The following VSTM1 variants were observed in gnomAD, a reference collection of about 807,000 sequenced individuals.
VSTM1 encodes V-set and transmembrane domain-containing protein 1.
In VSTM1, 27 loss-of-function variants were observed where a neutral mutation model predicts 33.1. The observed-to-expected ratio is 0.82, with a 90% CI of 0.60 to 1.12. The LOEUF (loss-of-function observed/expected upper bound fraction) is 1.12. Ranked by LOEUF, VSTM1 falls within the 50% of genes most tolerant of loss-of-function variation. The pLI is 0.00. For missense variants in VSTM1, 304 were observed against 288.9 expected (o/e 1.05, Z -0.38); for synonymous variants, 115 against 110.3 (o/e 1.04, Z -0.27).
intron 4 of VSTM1, among the ~76,000 whole-genome samples, chr19:54,046,491 C>T (rs1459977088): frequency 2.6e-5 from 4 of 152,018 alleles, no homozygotes; most frequent in South Asian, 2.1e-4. Context: ...CTCATTGTGT[C>T]GGATAATGGG....
At chr19:54,048,219 G>A (rs1033139563) in intron 4 of VSTM1, 30 of 197,812 alleles carry the variant, frequency 1.5e-4, no homozygotes, top group African/African-American at 3.8e-4. Flanking sequence ...GGGCGCAAAC[G>A]ATCTTTCTGC....
At chr19:54,059,016 C>T (rs182236864) in intron 1 of VSTM1, among the ~76,000 whole-genome samples, 1 of 148,628 alleles carries the variant, frequency 6.7e-6, no homozygotes, top group East Asian at 1.9e-4. Context: ...GTTTGTCATT[C>T]AGAAGCTACG....
intron 4 of VSTM1, among the ~76,000 whole-genome samples, chr19:54,048,795 A>C (rs2070715009): frequency 6.6e-6 from 1 of 152,132 alleles, no homozygotes; most frequent in Non-Finnish European, 1.5e-5. Context: ...CATCAAAAGA[A>C]GAACGGGGCC....
At chr19:54,059,441 CT>C (rs1217414265) in intron 1 of VSTM1, among the ~76,000 whole-genome samples, 3 of 152,024 alleles carry the variant, frequency 2.0e-5, no homozygotes, top group African/African-American at 7.2e-5. Context: ...TTCACCTATG[CT>C]TTTTTCTGGT....
At position 54,042,151 on chromosome 19, in the gene VSTM1, G is replaced by A; in HGVS notation, c.515+18C>T. 6.2e-7 allele frequency: 1 copy of A among 1,613,902 alleles called. No individual in the cohort carries two copies. The highest frequency in any genetic ancestry group is 2.2e-5 in the East Asian group (1 of 44,874). On this transcript the variant is annotated intron_variant, in intron 6 of 8. Transcript: ENST00000338372. ...TGACATGGGAATAAGTGGAGCATGA[G>A]CTATGCCAAGCATCTACCTCTTGGT...
At chr19:54,052,389 C>T (rs563024021) in intron 3 of VSTM1, among the ~76,000 whole-genome samples, 1 of 135,798 alleles carries the variant, frequency 7.4e-6, no homozygotes, top group Non-Finnish European at 1.6e-5. Flanking sequence ...CAGAGCCAGA[C>T]TCCGTCTCAA....
intron 4 of VSTM1, 89 bp downstream of exon 4, chr19:54,051,321 A>G (rs755810075): frequency 6.9e-6 from 7 of 1,015,164 alleles, no homozygotes; most frequent in South Asian, 1.5e-5. Flanking sequence ...AAACAAACAA[A>G]TAAATAAAGT....
At chr19:54,056,299 G>A (rs1057442079) in intron 3 of VSTM1, among the ~76,000 whole-genome samples, 3 of 111,652 alleles carry the variant, frequency 2.7e-5, no homozygotes, top group East Asian at 2.8e-4. Context: ...TTGGCTCACC[G>A]CAGCCTCTGC....
chr19:54,057,358 T>C lies in VSTM1; in HGVS notation c.355+948A>G, dbSNP rs189471977. On this transcript the variant is annotated intron_variant, in intron 3 of 8. Transcript: ENST00000338372. ...ACATAGATCCTGTCTCAACAAGTAA[T>C]TTAAAAATTAGCCAGGCATGGTGGT... Among the ~76,000 whole-genome samples, 14 of 98,308 alleles carry C rather than the reference T, an allele frequency of 1.4e-4. 4 individuals are homozygous for C. The highest frequency in any genetic ancestry group is 1.4e-3 in the Admixed American group (13 of 9,504). The allele number at this position is 98,308 out of a possible 152,430, so 64.5% of individuals were successfully genotyped here.
At chr19:54,043,876 TGGAGGGGAGA>T (rs150946464) in intron 4 of VSTM1, among the ~76,000 whole-genome samples, 8,708 of 145,878 alleles carry the variant, frequency 0.06, 301 homozygotes, top group East Asian at 0.097. Context: ...GTGAGGGCAA[TGGAGGGGAGA>T]GGAGGGGAGA....
Position 54,042,325 on chromosome 19 carries a change from G to A in VSTM1, c.439C>T (p.Leu147Phe). ...ATGAAGACTGAGAGGAAGAGGAGAA[G>A]GATGGAGATGCAGCTGAAGATGGCG... ...FVAIFSCISI[L>F]LLFLSVFIIY... is the part of the protein sequence containing the mutation. The change falls in exon 5 of 9, where the codon CTT becomes TTT. Residue 147 changes from leucine (L) to phenylalanine (F), a missense_variant. Leu to Phe is a conservative substitution (Grantham distance 22). Coordinates refer to ENST00000338372, the MANE Select transcript of VSTM1 (RefSeq NM_198481.4). The A allele has an allele frequency of 6.2e-7, 1 of 1,613,972 alleles. No homozygotes were observed. Among genetic ancestry groups the A allele is most frequent in the East Asian group, 2.2e-5 (1 of 44,860 alleles).
At chr19:54,058,108 C>T (rs769341077) in intron 3 of VSTM1, among the ~76,000 whole-genome samples, 198 bp downstream of exon 3, 4 of 151,344 alleles carry the variant, frequency 2.6e-5, no homozygotes, top group Non-Finnish European at 4.4e-5. Context: ...GGCGTGGTGG[C>T]GGGCGCCTGT....
chr19:54,042,004 G>C (rs1486635271), intron 6 of VSTM1, 51 bp from the exon 7 acceptor site: 2 of 1,612,130 alleles, frequency 1.2e-6, no homozygotes, highest in Non-Finnish European at 1.7e-6. Context: ...ATTTCGGGGA[G>C]AGGGTGAGGG....
intron 1 of VSTM1, among the ~76,000 whole-genome samples, chr19:54,061,242 T>G (rs1408646963): frequency 6.6e-6 from 1 of 152,012 alleles, no homozygotes; most frequent in Non-Finnish European, 1.5e-5. Flanking sequence ...GGTCTCAAAC[T>G]CCTGACCTCA....
chr19:54,045,467 ATCTG>A (rs2070528548), intron 4 of VSTM1, among the ~76,000 whole-genome samples: 1 of 151,942 alleles, frequency 6.6e-6, no homozygotes, highest in Admixed American at 6.6e-5. Flanking sequence ...ATCTATCTTT[ATCTG>A]TCTATCCACC....
At chr19:54,049,248 G>T (rs1205229770) in intron 4 of VSTM1, among the ~76,000 whole-genome samples, 1 of 152,126 alleles carries the variant, frequency 6.6e-6, no homozygotes, top group African/African-American at 2.4e-5. Context: ...TAGTCACAAA[G>T]GATCACATAG....
Position 54,043,498 on chromosome 19 carries a change from G to A in VSTM1, c.395-1129C>T, listed in dbSNP as rs142355303. The stretch of plus-strand genomic sequence containing the variant: ...GCAATCTTGGCTCACTGCAAGCTCC[G>A]CCTCCCGGGTTCAAGCAATTCTCCT... On this transcript the variant is annotated intron_variant, in intron 4 of 8. Transcript: ENST00000338372. Among the ~76,000 whole-genome samples the A allele has an allele frequency of 3.8e-3, 575 of 151,752 alleles. 3 individuals carry two copies. The highest frequency in any genetic ancestry group is 0.02 in the Middle Eastern group (6 of 294).
At chr19:54,046,608 T>C (rs2070605212) in intron 4 of VSTM1, among the ~76,000 whole-genome samples, 1 of 152,070 alleles carries the variant, frequency 6.6e-6, no homozygotes, top group South Asian at 2.1e-4. Context: ...CCCAGATCCC[T>C]TTCCCATTTT....
intron 4 of VSTM1, among the ~76,000 whole-genome samples, chr19:54,045,966 C>G (rs1204229276): frequency 6.6e-6 from 1 of 152,084 alleles, no homozygotes; most frequent in African/African-American, 2.4e-5. Flanking sequence ...CTATCTGTAT[C>G]TATCTACCTA....
Sources: allele counts gnomAD v4.1 joint callset (sites outside exome capture counted in the v4.1 genomes callset), GRCh38; gene constraint gnomAD v4.1.1; transcripts MANE v1.5; gene names NCBI Gene and HGNC (gene_info 2026-07-23, HGNC 2026-07-21).